The following CNTN6 variants were observed in gnomAD, a reference collection of about 807,000 sequenced individuals.
CNTN6 encodes contactin 6, also known as contactin-6.
In CNTN6, 137 loss-of-function variants were observed where a neutral mutation model predicts 122.8. The ratio of observed to expected loss-of-function variants is 1.12; its 90% CI spans 0.97 to 1.29. The LOEUF (loss-of-function observed/expected upper bound fraction) is 1.29, where lower values mean the gene tolerates loss of function less well. Among genes scored for constraint, CNTN6 ranks in the 50% most tolerant of loss-of-function variants. The pLI is 0.00. For missense variants in CNTN6, 1,634 were observed against 1,223.4 expected (o/e 1.34, Z -5.01); for synonymous variants, 570 against 426.0 (o/e 1.34, Z -4.16).
At chr3:1,281,279 A>G (rs1328674274) in intron 5 of CNTN6, among the ~76,000 whole-genome samples, 1 of 152,136 alleles carries the variant, frequency 6.6e-6, no homozygotes, top group African/African-American at 2.4e-5. Context: ...CCTACCACAC[A>G]TGGCTCTCAC....
chr3:1,379,044 T>G (rs1710276823), intron 17 of CNTN6, among the ~76,000 whole-genome samples: 1 of 152,160 alleles, frequency 6.6e-6, no homozygotes, highest in African/African-American at 2.4e-5. Flanking sequence ...ACAGGAAGTT[T>G]TGCCTGACTT....
intron 12 of CNTN6, among the ~76,000 whole-genome samples, chr3:1,354,683 G>A (rs1706260463): frequency 6.6e-6 from 1 of 151,344 alleles, no homozygotes; most frequent in South Asian, 2.1e-4. Flanking sequence ...AATATTTATT[G>A]ATTTAATAAA....
At chr3:1,341,821 G>C (rs1033840033) in intron 11 of CNTN6, among the ~76,000 whole-genome samples, 2 of 152,060 alleles carry the variant, frequency 1.3e-5, no homozygotes, top group Admixed American at 6.6e-5. Context: ...CAGTAATTAC[G>C]CACTAGTTGT....
At chr3:1,153,735 G>T (rs1438576865) in intron 2 of CNTN6, among the ~76,000 whole-genome samples, 1 of 152,088 alleles carries the variant, frequency 6.6e-6, no homozygotes, top group Non-Finnish European at 1.5e-5. Flanking sequence ...CAGAGCAAAC[G>T]AACTACCTGA....
chr3:1,220,832 G>A lies in CNTN6; in HGVS notation c.182+19G>A. Reference sequence around the variant, plus strand: ...ATTATAGGTAAAATCCTACCTGTGGGCACCACACTATTTTGTTCTTCCTCA... The same window carrying A: ...ATTATAGGTAAAATCCTACCTGTGGACACCACACTATTTTGTTCTTCCTCA... On this transcript the variant is annotated intron_variant, in intron 3 of 22. Transcript: ENST00000446702. 6 of 1,579,228 alleles carry A rather than the reference G, an allele frequency of 3.8e-6. No homozygotes were observed. The highest frequency in any genetic ancestry group is 1.4e-5 in the African/African-American group (1 of 73,230).
At chr3:1,175,358 G>C (rs896307838) in intron 2 of CNTN6, among the ~76,000 whole-genome samples, 3 of 150,284 alleles carry the variant, frequency 2.0e-5, no homozygotes, top group Non-Finnish European at 4.4e-5. Context: ...TTTTACCAAT[G>C]ATTAGATACA....
intron 1 of CNTN6, among the ~76,000 whole-genome samples, chr3:1,094,337 T>G (rs1230313182): frequency 6.6e-6 from 1 of 152,174 alleles, no homozygotes; most frequent in Non-Finnish European, 1.5e-5. Context: ...ACAAAAATAC[T>G]TACACAATTT....
At chr3:1,116,337 A>C (rs1023827168) in intron 1 of CNTN6, among the ~76,000 whole-genome samples, 1 of 152,230 alleles carries the variant, frequency 6.6e-6, no homozygotes, top group Non-Finnish European at 1.5e-5. Context: ...AGGAACTATC[A>C]TGAGGAAAAT....
chr3:1,283,675 T>G (rs1360185480), intron 5 of CNTN6, among the ~76,000 whole-genome samples: 2 of 151,504 alleles, frequency 1.3e-5, no homozygotes, highest in African/African-American at 4.8e-5. Context: ...TTATCCAAAG[T>G]AAAGAACACT....
intron 2 of CNTN6, among the ~76,000 whole-genome samples, chr3:1,169,091 G>A (rs1201522262): frequency 1.3e-5 from 2 of 152,248 alleles, no homozygotes; most frequent in South Asian, 4.1e-4. Flanking sequence ...GGTATGAAAT[G>A]AGGAAGAAGG....
At chr3:1,334,893 A>C (rs888259646) in intron 11 of CNTN6, among the ~76,000 whole-genome samples, 3 of 152,198 alleles carry the variant, frequency 2.0e-5, no homozygotes, top group African/African-American at 7.2e-5. Context: ...AATAATTAAT[A>C]GACCGATGGT....
intron 2 of CNTN6, among the ~76,000 whole-genome samples, chr3:1,190,539 A>C (rs1314571926): frequency 1.3e-5 from 2 of 152,172 alleles, no homozygotes; most frequent in Non-Finnish European, 2.9e-5. Context: ...TTATGAACAC[A>C]TTGTGATCAA....
At chr3:1,157,166 G>A (rs1222148979) in intron 2 of CNTN6, among the ~76,000 whole-genome samples, 1 of 150,992 alleles carries the variant, frequency 6.6e-6, no homozygotes, top group African/African-American at 2.4e-5. Flanking sequence ...TTTATCCTTT[G>A]TGTCACAAAC....
At chr3:1,186,774 A>G (rs1336747656) in intron 2 of CNTN6, among the ~76,000 whole-genome samples, 2 of 151,950 alleles carry the variant, frequency 1.3e-5, no homozygotes, top group Non-Finnish European at 2.9e-5. Flanking sequence ...TGCCACACTC[A>G]GTAGCCTTTC....
chr3:1,132,494 G>T (rs1444969924), intron 1 of CNTN6, among the ~76,000 whole-genome samples: 1 of 151,928 alleles, frequency 6.6e-6, no homozygotes, highest in Non-Finnish European at 1.5e-5. Flanking sequence ...AGAAGCTGAG[G>T]CAGGAGGATC....
chr3:1,170,904 C>T (rs1438318288), intron 2 of CNTN6, among the ~76,000 whole-genome samples: 1 of 152,166 alleles, frequency 6.6e-6, no homozygotes, highest in Non-Finnish European at 1.5e-5. Context: ...AATACCCACT[C>T]CATAGAGTGG....
chr3:1,362,884 A>C (rs180759108), intron 12 of CNTN6, among the ~76,000 whole-genome samples: 6 of 152,034 alleles, frequency 3.9e-5, no homozygotes, highest in Admixed American at 1.3e-4. Context: ...AAGGGAAAAA[A>C]ATCAGATAAA....
intron 1 of CNTN6, among the ~76,000 whole-genome samples, chr3:1,143,809 AG>A (rs1363677152): frequency 6.6e-6 from 1 of 152,234 alleles, no homozygotes; most frequent in African/African-American, 2.4e-5. Flanking sequence ...CAGATGATAA[AG>A]GGCAACATTT....
chr3:1,180,221 G>A (rs2093529185), intron 2 of CNTN6, among the ~76,000 whole-genome samples: 1 of 152,154 alleles, frequency 6.6e-6, no homozygotes, highest in East Asian at 1.9e-4. Flanking sequence ...GAAAGAGAGA[G>A]AGAGACAGTG....
Sources: gnomAD v4.1 joint callset for allele counts (sites outside exome capture counted in the v4.1 genomes callset) on GRCh38, gnomAD v4.1.1 for gene constraint, MANE v1.5 for transcripts, NCBI Gene and HGNC (gene_info 2026-07-23, HGNC 2026-07-21) for gene names.